Variants in UHMK1 observed in about 807,000 individuals in gnomAD.
UHMK1 encodes the protein U2AF homology motif kinase 1.
Under a neutral mutation model 44.0 loss-of-function variants are expected in UHMK1, and 18 were observed. The observed-to-expected ratio is 0.41, with a 90% CI of 0.28 to 0.61. The LOEUF is 0.61. Ranked by LOEUF, UHMK1 falls within the 20% of genes least tolerant of loss-of-function variation. UHMK1 has a pLI of 0.31. For synonymous variants in UHMK1, 231 were observed against 198.5 expected (o/e 1.16, Z -1.38); for missense variants, 463 against 522.5 (o/e 0.89, Z 1.11).
At position 162,528,920 on chromosome 1, in the gene UHMK1, T is replaced by G. The variant is rs1194375495; in HGVS notation, c.*6370T>G. ...AAAATCTAAGTATGATCAATAAATT[T>G]TAATGGTTGATGGCATCCTGTGTCA... On this transcript the variant is annotated 3_prime_UTR_variant, in exon 8 of 8. Coordinates refer to ENST00000489294, the MANE Select transcript of UHMK1 (RefSeq NM_175866.5). 1.3e-5 allele frequency: 2 copies of G among 152,146 alleles called. No homozygotes were observed. The highest frequency in any genetic ancestry group is 2.9e-5 in the Non-Finnish European group (2 of 67,988). The allele number at this position is 152,146 out of a possible 1,614,324, so 9.4% of individuals were successfully genotyped here.
At chr1:162,515,110 G>A (rs1651790632) in intron 6 of UHMK1, among the ~76,000 whole-genome samples, 1 of 151,932 alleles carries the variant, frequency 6.6e-6, no homozygotes, top group Non-Finnish European at 1.5e-5. Context: ...AATTATATCA[G>A]TTTTATGTCC....
At chr1:162,514,618 G>A (rs1249516367) in intron 6 of UHMK1, among the ~76,000 whole-genome samples, 10 of 152,140 alleles carry the variant, frequency 6.6e-5, no homozygotes, top group African/African-American at 2.4e-4. Context: ...AGGAAAGAAG[G>A]AAGGAGAAAT....
intron 7 of UHMK1, among the ~76,000 whole-genome samples, chr1:162,518,903 C>T (rs530711408): frequency 1.3e-4 from 20 of 151,414 alleles, no homozygotes; most frequent in South Asian, 6.3e-4. Flanking sequence ...GCAGGAGAAT[C>T]GCTTGAACCT....
At chr1:162,501,344 A>G (rs1034042240) in intron 3 of UHMK1, among the ~76,000 whole-genome samples, 8 of 151,900 alleles carry the variant, frequency 5.3e-5, no homozygotes, top group African/African-American at 1.9e-4. Flanking sequence ...TAATTTTTGT[A>G]TTTTTAGTAG....
rs1652285843 is a variant in UHMK1, at chr1:162,527,321, T to G, written c.*4771T>G. On this transcript the variant is annotated 3_prime_UTR_variant, in exon 8 of 8. Coordinates refer to ENST00000489294, the MANE Select transcript of UHMK1 (RefSeq NM_175866.5). ...GTACTTGACAAGTGCCATGGATATT[T>G]AAGAAGAAGGTAAATAATTTTAATA... 6.6e-6 allele frequency: 1 copy of G among 152,080 alleles called. No homozygotes were observed. The highest frequency in any genetic ancestry group is 1.5e-5 in the Non-Finnish European group (1 of 67,942). The allele number at this position is 152,080 out of a possible 1,614,324, so 9.4% of individuals were successfully genotyped here. A position where few individuals can be genotyped will look rare whatever the true frequency, so the allele number is the denominator to read the frequency against.
intron 7 of UHMK1, among the ~76,000 whole-genome samples, chr1:162,520,952 A>T (rs970594212): frequency 6.6e-6 from 1 of 152,192 alleles, no homozygotes; most frequent in African/African-American, 2.4e-5. Flanking sequence ...GTTTAAGATG[A>T]TATGAAAAAA....
rs1355326586 is a variant in UHMK1 at position 162,498,040 on chromosome 1, C to T, written c.40C>T (p.Arg14Cys). 6.3e-7 allele frequency: 1 copy of T among 1,599,816 alleles called. No individual in the cohort carries two copies. The highest frequency in any genetic ancestry group is 1.1e-5 in the South Asian group (1 of 90,078). Reference sequence around the variant, plus strand: ...CTGCGCCTGGGGCGCGGAGCCGCCGCGTTTTCTGGAGGCCTTCGGGCGGCT... The same window carrying T: ...CTGCGCCTGGGGCGCGGAGCCGCCGTGTTTTCTGGAGGCCTTCGGGCGGCT... ...SGCAWGAEPP[R>C]FLEAFGRLWQ... The change falls in exon 1 of 8, where the codon CGT becomes TGT. Residue 14 changes from arginine to cysteine, a missense_variant. Arg to Cys is a radical substitution (Grantham distance 180, BLOSUM62 -3). This residue lies in a region of UHMK1 where 191 missense variants were observed against 176.0 expected (regional missense o/e 1.09). Coordinates refer to ENST00000489294, the MANE Select transcript of UHMK1 (RefSeq NM_175866.5).
chr1:162,512,572 T>C lies in UHMK1; in HGVS notation c.921T>C (p.Pro307=). The part of the protein sequence containing the change: ...MALCSPFFSI[P]FAPHIEDLVM... ...TGTGCAGCCCATTCTTTAGCATTCCTTTTGGTAAGTTGTGTATTCTTTTAT... is the reference window on the plus strand; with the variant it reads ...TGTGCAGCCCATTCTTTAGCATTCCCTTTGGTAAGTTGTGTATTCTTTTAT... Residue 307 remains proline, a synonymous_variant, in exon 5 of 8, where the codon CCT becomes CCC. Transcript: ENST00000489294. 1 of 1,611,896 alleles carries C rather than the reference T, an allele frequency of 6.2e-7. No homozygotes were observed. Among genetic ancestry groups the C allele is most frequent in the Non-Finnish European group, 8.5e-7 (1 of 1,179,510 alleles).
At chr1:162,518,278 C>CA in intron 7 of UHMK1, 88 bp downstream of exon 7, 1 of 903,238 alleles carries the variant, frequency 1.1e-6, no homozygotes. Flanking sequence ...AGATGTACAA[C>CA]AAAATTTTGC....
chr1:162,511,063 T>C (rs1252932949), intron 4 of UHMK1, among the ~76,000 whole-genome samples: 2 of 152,188 alleles, frequency 1.3e-5, no homozygotes, highest in Non-Finnish European at 2.9e-5. Context: ...ATTTCTCATA[T>C]ACTGTTGGCT....
chr1:162,514,092 TAG>T (rs1651756897), intron 6 of UHMK1, among the ~76,000 whole-genome samples: 2 of 152,142 alleles, frequency 1.3e-5, no homozygotes, highest in Admixed American at 1.3e-4. Context: ...TTACTAGTAC[TAG>T]AGAGACAATT....
At chr1:162,512,449 A>G in intron 4 of UHMK1, 51 bp from the exon 5 acceptor site, 2 of 1,484,794 alleles carry the variant, frequency 1.3e-6, no homozygotes, top group Non-Finnish European at 1.8e-6. Context: ...TAATGGTTGC[A>G]TTTTCAAAAG....
In UHMK1 at chr1:162,500,246, A is replaced by T. The variant is rs1399512611; in HGVS notation, c.560A>T (p.Gln187Leu). 1 of 1,608,204 alleles carries T rather than the reference A, an allele frequency of 6.2e-7. No individual in the cohort carries two copies. The highest frequency in any genetic ancestry group is 8.5e-7 in the Non-Finnish European group (1 of 1,175,650). ...DFGLSFKEGN[Q>L]DVKYIQTDGY... is the part of the protein sequence containing the mutation. Reference sequence around the variant, plus strand: ...GGACTTAGCTTCAAAGAAGGCAATCAGGTAAGAAATAACCTTTTCTTTTCT... The same window carrying T: ...GGACTTAGCTTCAAAGAAGGCAATCTGGTAAGAAATAACCTTTTCTTTTCT... The change falls in exon 2 of 8, where the codon CAG (glutamine) becomes CTG (leucine). Residue 187 changes from glutamine (Q) to leucine (L), a missense_variant and splice_region_variant. Around this residue, in one of 3 missense-constraint regions of UHMK1, gnomAD observed 264 missense variants for 326.3 expected, o/e 0.81. Transcript: ENST00000489294.
rs763496412 is a variant in UHMK1 at position 162,513,604 on chromosome 1, C to T, written c.1024+781C>T. On this transcript the variant is annotated intron_variant, in intron 6 of 7. Transcript: ENST00000489294. ...TAACTGGTGAATGCTTCTCTACAGA[C>T]GTTATATCTGAGCTCAGTAATTTGG... is the stretch of plus-strand genomic sequence containing the variant. Among the ~76,000 whole-genome samples the T allele has an allele frequency of 1.1e-3, 165 of 152,184 alleles. 1 individual carries two copies. The highest frequency in any genetic ancestry group is 6.5e-4 in the Admixed American group (10 of 15,278).
Position 162,514,289 on chromosome 1 carries a change from G to GA in UHMK1, c.1024+1480dup, listed in dbSNP as rs745897881. 7.2e-3 allele frequency among the ~76,000 whole-genome samples: 950 copies of GA among 132,770 alleles called. 6 individuals are homozygous for GA. The highest frequency in any genetic ancestry group is 0.016 in the African/African-American group (579 of 36,528). 87.1% of individuals were successfully genotyped at this position (132,770 alleles called of 152,430 possible). On this transcript the variant is annotated intron_variant, in intron 6 of 7. Coordinates refer to ENST00000489294, the MANE Select transcript of UHMK1 (RefSeq NM_175866.5). ...GGGCAACAGAGTGAGACCATCTCTG[G>GA]AAAAAAAAAAAAAAGAGGGTAGACT...
intron 7 of UHMK1, among the ~76,000 whole-genome samples, 197 bp from the exon 8 acceptor site, chr1:162,522,207 A>G (rs1208741807): frequency 6.6e-6 from 1 of 152,222 alleles, no homozygotes; most frequent in Non-Finnish European, 1.5e-5. Context: ...CCTGAAGTAT[A>G]GTTCATAGAC....
rs1203953983 is a variant in UHMK1 at position 162,501,895 on chromosome 1, C to A, written c.753+791C>A. Among the ~76,000 whole-genome samples, 46 of 149,538 alleles carry A rather than the reference C, an allele frequency of 3.1e-4. 1 individual carries two copies. The highest frequency in any genetic ancestry group is 3.1e-3 in the Admixed American group (46 of 14,978). On this transcript the variant is annotated intron_variant, in intron 3 of 7. Transcript: ENST00000489294. ...TTGAGACCAGGAATTTGAGACCAGC[C>A]CAGGCAACGTAGTGAGACCCCAGTC... is the stretch of plus-strand genomic sequence containing the variant.
At chr1:162,505,024 C>T (rs2101672859) in intron 4 of UHMK1, among the ~76,000 whole-genome samples, 1 of 152,314 alleles carries the variant, frequency 6.6e-6, no homozygotes, top group East Asian at 1.9e-4. Flanking sequence ...ATCTGTCTGC[C>T]TCAGCCTCCC....
rs145664795 is a variant in UHMK1 at position 162,512,748 on chromosome 1, A to G, written c.949A>G (p.Met317Val). 4 of 1,614,014 alleles carry G rather than the reference A, an allele frequency of 2.5e-6. No individual in the cohort carries two copies. Among genetic ancestry groups the G allele is most frequent in the Non-Finnish European group, 3.4e-6 (4 of 1,180,002 alleles). ...PFAPHIEDLVMLPTPVLRLLN... is the reference protein window; with the variant it reads ...PFAPHIEDLVVLPTPVLRLLN... ...AGCCCCTCATATTGAAGATCTGGTC[A>G]TGCTTCCCACTCCAGTGCTAAGACT... is the stretch of plus-strand genomic sequence containing the variant. The change falls in exon 6 of 8, where the codon ATG becomes GTG. Residue 317 changes from methionine to valine, a missense_variant. Around this residue, in one of 3 missense-constraint regions of UHMK1, gnomAD observed 264 missense variants for 326.3 expected, o/e 0.81. Transcript: ENST00000489294.
Sources: allele counts gnomAD v4.1 joint callset (sites outside exome capture counted in the v4.1 genomes callset), GRCh38; gene constraint gnomAD v4.1.1; regional missense constraint gnomAD v4.1.1; transcripts MANE v1.5; gene names NCBI Gene and HGNC (gene_info 2026-07-23, HGNC 2026-07-21).